The following RGS6 variants were observed in gnomAD, a reference collection of about 807,000 sequenced individuals.
The protein encoded by RGS6 is regulator of G protein signaling 6.
RGS6 carries 30 observed loss-of-function variants against 78.5 expected under a neutral mutation model. That is an observed-to-expected ratio of 0.38 (90% confidence interval 0.29 to 0.52). RGS6 has a LOEUF of 0.52. RGS6 is among the 20% of genes least tolerant of loss of function. The pLI is 0.85. For missense variants in RGS6, 495 were observed against 609.7 expected (o/e 0.81, Z 1.98); for synonymous variants, 206 against 206.0 (o/e 1.00, Z 0.00).
chr14:72,518,598 C>T, intron 15 of RGS6, 61 bp downstream of exon 15: 6 of 1,471,512 alleles, frequency 4.1e-6, no homozygotes, highest in Non-Finnish European at 5.6e-6. Flanking sequence ...CATTGCCTGA[C>T]CTATTAACAC....
chr14:72,339,424 G>A (rs1246732095), intron 2 of RGS6, among the ~76,000 whole-genome samples: 2 of 152,180 alleles, frequency 1.3e-5, no homozygotes, highest in African/African-American at 4.8e-5. Flanking sequence ...AAGATATTTT[G>A]CTGATAGTAG....
the RGS6 span, among the ~76,000 whole-genome samples, chr14:71,870,663 A>G: frequency 2.6e-5 from 4 of 152,338 alleles, no homozygotes; most frequent in East Asian, 1.9e-4. Flanking sequence ...GTGGTGCTCA[A>G]CTACTGTCAC....
chr14:71,885,260 C>T, the RGS6 span, among the ~76,000 whole-genome samples: 2 of 152,092 alleles, frequency 1.3e-5, no homozygotes, highest in Non-Finnish European at 2.9e-5. Context: ...CTAAAGAAAA[C>T]AAACAACACT....
At chr14:72,013,210 G>A (rs1339926245) in intron 2 of RGS6, among the ~76,000 whole-genome samples, 4 of 138,058 alleles carry the variant, frequency 2.9e-5, no homozygotes, top group African/African-American at 1.1e-4. Context: ...GGTGGGGGTT[G>A]CAGTGAGCCA....
intron 2 of RGS6, among the ~76,000 whole-genome samples, chr14:72,283,001 TC>T (rs1303928648): frequency 6.6e-6 from 1 of 152,208 alleles, no homozygotes; most frequent in Non-Finnish European, 1.5e-5. Context: ...TATTTTACAA[TC>T]CTCATATAAG....
At chr14:72,137,632 A>G (rs997504228) in intron 2 of RGS6, among the ~76,000 whole-genome samples, 2 of 152,206 alleles carry the variant, frequency 1.3e-5, no homozygotes, top group Non-Finnish European at 2.9e-5. Context: ...CCCATTTATC[A>G]CAAAGGATTT....
intron 3 of RGS6, among the ~76,000 whole-genome samples, chr14:72,395,925 T>C (rs2091140519): frequency 6.6e-6 from 1 of 152,134 alleles, no homozygotes; most frequent in Admixed American, 6.5e-5. Context: ...CTTAATCCAG[T>C]CTATCATTGT....
At chr14:72,590,659 C>T in the RGS6 span, among the ~76,000 whole-genome samples, 1 of 152,202 alleles carries the variant, frequency 6.6e-6, no homozygotes, top group Non-Finnish European at 1.5e-5. Flanking sequence ...AAAAGATAAA[C>T]GCTTGTTGCT....
chr14:72,026,012 A>C (rs1178679204), intron 2 of RGS6, among the ~76,000 whole-genome samples: 1 of 152,202 alleles, frequency 6.6e-6, no homozygotes, highest in East Asian at 1.9e-4. Flanking sequence ...AAACCTCATC[A>C]CATGAAGTTG....
At chr14:71,944,327 G>A (rs894203432) in intron 1 of RGS6, among the ~76,000 whole-genome samples, 5 of 152,174 alleles carry the variant, frequency 3.3e-5, no homozygotes, top group African/African-American at 9.6e-5. Context: ...TGAGGAAACC[G>A]AGTGGAAACG....
the RGS6 span, among the ~76,000 whole-genome samples, chr14:72,628,644 G>C: frequency 6.6e-6 from 1 of 152,066 alleles, no homozygotes. Flanking sequence ...AAAAGAGAGA[G>C]AGAGAGAGAG....
At chr14:71,913,970 G>A in the RGS6 span, among the ~76,000 whole-genome samples, 1 of 152,196 alleles carries the variant, frequency 6.6e-6, no homozygotes, top group South Asian at 2.1e-4. Flanking sequence ...AAATCCAGTG[G>A]AACTGTTAGG....
chr14:72,071,673 A>C (rs1258905063), intron 2 of RGS6, among the ~76,000 whole-genome samples: 2 of 152,206 alleles, frequency 1.3e-5, no homozygotes, highest in Non-Finnish European at 2.9e-5. Flanking sequence ...GCATATTCGT[A>C]GTCATACATG....
chr14:71,890,624 C>A, the RGS6 span, among the ~76,000 whole-genome samples: 1 of 152,176 alleles, frequency 6.6e-6, no homozygotes, highest in Non-Finnish European at 1.5e-5. Context: ...GCAGATTCTG[C>A]CATGGATGTT....
intron 2 of RGS6, among the ~76,000 whole-genome samples, chr14:72,255,808 C>T (rs1273926794): frequency 2.6e-5 from 4 of 152,172 alleles, no homozygotes; most frequent in Non-Finnish European, 5.9e-5. Context: ...TTTATCACTT[C>T]TTACTAAATA....
chr14:72,013,271 C>CAAAAAAAAAAA (rs59579709), intron 2 of RGS6, among the ~76,000 whole-genome samples: 2 of 77,050 alleles, frequency 2.6e-5, no homozygotes, highest in African/African-American at 5.9e-5. Context: ...ACTCCGTCTC[C>CAAAAAAAAAAA]AAAAAAAAAA....
intron 3 of RGS6, among the ~76,000 whole-genome samples, chr14:72,408,429 G>T (rs573358619): frequency 1.4e-4 from 21 of 152,236 alleles, no homozygotes; most frequent in African/African-American, 3.9e-4. Flanking sequence ...CAGTGCCTTT[G>T]TTCTCAGTCC....
chr14:72,393,255 G>A (rs773971437), intron 3 of RGS6, among the ~76,000 whole-genome samples: 25 of 152,192 alleles, frequency 1.6e-4, no homozygotes, highest in Admixed American at 4.6e-4. Context: ...GAAATATTCT[G>A]TGATGTAAGG....
At chr14:71,991,929 G>T (rs1256426790) in intron 2 of RGS6, among the ~76,000 whole-genome samples, 1 of 152,100 alleles carries the variant, frequency 6.6e-6, no homozygotes, top group Non-Finnish European at 1.5e-5. Flanking sequence ...GAATGGACAT[G>T]TCTGTATTCT....
Sources: gnomAD v4.1 joint callset for allele counts (sites outside exome capture counted in the v4.1 genomes callset) on GRCh38, gnomAD v4.1.1 for gene constraint, MANE v1.5 for transcripts, NCBI Gene and HGNC (gene_info 2026-07-23, HGNC 2026-07-21) for gene names.